Variants in KCNAB1 observed in about 807,000 individuals in gnomAD.
The protein encoded by KCNAB1 is potassium voltage-gated channel subfamily A regulatory beta subunit 1.
KCNAB1 carries 35 observed loss-of-function variants against 64.6 expected under a neutral mutation model. The observed-to-expected ratio is 0.54, with a 90% CI of 0.41 to 0.72. The LOEUF (loss-of-function observed/expected upper bound fraction) is 0.72. Ranked by LOEUF, KCNAB1 falls within the 30% of genes least tolerant of loss-of-function variation. The pLI is 0.00. For missense variants in KCNAB1, 401 were observed against 512.9 expected (o/e 0.78, Z 2.11); for synonymous variants, 177 against 183.8 (o/e 0.96, Z 0.30).
chr3:156,218,298 A>T (rs1715452165), intron 1 of KCNAB1, among the ~76,000 whole-genome samples: 2 of 152,132 alleles, frequency 1.3e-5, no homozygotes, highest in African/African-American at 4.8e-5. Context: ...ACTCCACTGG[A>T]CTGGGAACCA....
chr3:156,378,718 C>T (rs559275822), intron 1 of KCNAB1, among the ~76,000 whole-genome samples: 4 of 152,252 alleles, frequency 2.6e-5, no homozygotes, highest in East Asian at 1.9e-4. Flanking sequence ...GTTCATCTTG[C>T]GGTCTCTAGA....
chr3:156,525,334 C>T (rs1218769659), intron 12 of KCNAB1, among the ~76,000 whole-genome samples: 2 of 149,622 alleles, frequency 1.3e-5, no homozygotes, highest in African/African-American at 2.5e-5. Context: ...TAGGCCAAGG[C>T]TAATGAGTGT....
At chr3:156,256,306 C>T (rs1343666180) in intron 1 of KCNAB1, among the ~76,000 whole-genome samples, 1 of 152,204 alleles carries the variant, frequency 6.6e-6, no homozygotes, top group African/African-American at 2.4e-5. Context: ...TGTTGTTCCA[C>T]ATTTTGATTA....
At chr3:156,459,797 T>G in intron 4 of KCNAB1, 30 bp from the exon 5 acceptor site, 1 of 1,569,710 alleles carries the variant, frequency 6.4e-7, no homozygotes, top group Non-Finnish European at 8.8e-7. Flanking sequence ...GGACACTGCA[T>G]TCTAAGACAT....
rs375953016 is a variant in KCNAB1, at chr3:156,459,875, T to C, written c.482+4T>C. On this transcript the variant is annotated splice_donor_region_variant and intron_variant, in intron 5 of 13. Transcript: ENST00000490337. ...TCATCAAGAAGAAAGGCTGGAGGTA[T>C]TGCATTCGCCATAATTATTTGTTTT... is the stretch of plus-strand genomic sequence containing the variant. The C allele has an allele frequency of 5.1e-5, 82 of 1,602,168 alleles. No homozygotes were observed. In the African/African-American group the frequency reaches 1.0e-3, roughly 20 times the overall value.
At position 156,474,798 on chromosome 3, in the gene KCNAB1, G is replaced by T. The variant is rs143939458; in HGVS notation, c.636G>T (p.Pro212=). 4 of 1,612,740 alleles carry T rather than the reference G, an allele frequency of 2.5e-6. No homozygotes were observed. The Admixed American group carries it at 5.0e-5, about 20-fold the overall frequency. The change falls in exon 8 of 14, where the codon CCG becomes CCT. Residue 212 remains proline, a synonymous_variant. Transcript: ENST00000490337. ...TGGATGTGGTCTTTGCAAATCGACC[G>T]GACAGTAACACTCCCATGGAAGGTA... ...EYVDVVFANR[P]DSNTPMEEIV... is the part of the protein sequence containing the mutation.
chr3:156,301,980 C>T (rs1262847625), intron 1 of KCNAB1, among the ~76,000 whole-genome samples: 4 of 152,196 alleles, frequency 2.6e-5, no homozygotes, highest in Non-Finnish European at 5.9e-5. Context: ...TAAACTAACA[C>T]AGATGTATTA....
At chr3:156,240,499 T>G (rs1488222715) in intron 1 of KCNAB1, among the ~76,000 whole-genome samples, 1 of 152,174 alleles carries the variant, frequency 6.6e-6, no homozygotes, top group Non-Finnish European at 1.5e-5. Context: ...GACAACCACT[T>G]TTGACGCTTT....
intron 1 of KCNAB1, among the ~76,000 whole-genome samples, chr3:156,369,175 C>G (rs749846473): frequency 5.9e-5 from 9 of 152,140 alleles, no homozygotes; most frequent in Non-Finnish European, 1.0e-4. Flanking sequence ...TTTCCCTGTG[C>G]TTAAAATTCA....
chr3:156,349,943 G>A (rs755781411), intron 1 of KCNAB1, among the ~76,000 whole-genome samples: 1 of 152,104 alleles, frequency 6.6e-6, no homozygotes, highest in Non-Finnish European at 1.5e-5. Flanking sequence ...TCCTATGAAT[G>A]TTTAGCCTAT....
intron 1 of KCNAB1, among the ~76,000 whole-genome samples, chr3:156,325,329 T>G (rs2108033275): frequency 6.6e-6 from 1 of 152,272 alleles, no homozygotes; most frequent in Non-Finnish European, 1.5e-5. Flanking sequence ...GGTCCCACTG[T>G]AGTGTTCATT....
chr3:156,423,036 G>A (rs1416303050), intron 2 of KCNAB1, among the ~76,000 whole-genome samples: 2 of 152,194 alleles, frequency 1.3e-5, no homozygotes, highest in East Asian at 3.8e-4. Context: ...GAGGTCATCA[G>A]TGACTTTTAC....
At chr3:156,422,629 T>C (rs1476566852) in intron 2 of KCNAB1, among the ~76,000 whole-genome samples, 1 of 152,178 alleles carries the variant, frequency 6.6e-6, no homozygotes, top group Non-Finnish European at 1.5e-5. Context: ...CGATTAGGCC[T>C]GCAATAAAAA....
chr3:156,465,778 G>C, intron 7 of KCNAB1, 92 bp downstream of exon 7: 1 of 1,042,524 alleles, frequency 9.6e-7, no homozygotes, highest in East Asian at 2.4e-5. Context: ...ACTGGAAGAG[G>C]AAAAAGTTCT....
At chr3:156,505,785 A>C (rs1368786553) in intron 8 of KCNAB1, among the ~76,000 whole-genome samples, 3 of 152,188 alleles carry the variant, frequency 2.0e-5, no homozygotes, top group Non-Finnish European at 4.4e-5. Context: ...CAGGGAGCTT[A>C]TAATCATGGT....
chr3:156,441,556 A>G (rs1449319139), intron 2 of KCNAB1: 1 of 152,184 alleles, frequency 6.6e-6, no homozygotes, highest in Non-Finnish European at 1.5e-5. Flanking sequence ...AATAGTTCCT[A>G]TTTTAGAAGA....
At chr3:156,189,677 A>G (rs1408514698) in intron 1 of KCNAB1, among the ~76,000 whole-genome samples, 1 of 149,702 alleles carries the variant, frequency 6.7e-6, no homozygotes, top group African/African-American at 2.6e-5. Flanking sequence ...CATGAAATTC[A>G]GAGAAAGAAA....
At chr3:156,342,609 A>ATTTTTTTTTTTTTT (rs59689669) in intron 1 of KCNAB1, among the ~76,000 whole-genome samples, 15 of 104,690 alleles carry the variant, frequency 1.4e-4, no homozygotes, top group South Asian at 3.1e-4. Flanking sequence ...TTTTTTTTTA[A>ATTTTTTTTTTTTTT]TTTTTTTTTT....
At chr3:156,383,304 C>A (rs1005688050) in intron 1 of KCNAB1, among the ~76,000 whole-genome samples, 1 of 152,194 alleles carries the variant, frequency 6.6e-6, no homozygotes, top group Admixed American at 6.5e-5. Context: ...TTCAACATTT[C>A]CTGCCACTAG....
Sources: gnomAD v4.1 joint callset for allele counts (sites outside exome capture counted in the v4.1 genomes callset) on GRCh38, gnomAD v4.1.1 for gene constraint, MANE v1.5 for transcripts, NCBI Gene and HGNC (gene_info 2026-07-23, HGNC 2026-07-21) for gene names.